The following NAV2 variants were observed in gnomAD, a reference collection of about 807,000 sequenced individuals.
NAV2 encodes neuron navigator 2.
NAV2 carries 54 observed loss-of-function variants against 223.2 expected under a neutral mutation model. That is an observed-to-expected ratio of 0.24 (90% confidence interval 0.19 to 0.30). NAV2 has a LOEUF of 0.30. NAV2 is among the 10% of genes least tolerant of loss of function. The pLI is 1.00. For missense variants in NAV2, 2,806 were observed against 3,147.5 expected, an observed-to-expected ratio of 0.89 and a Z score of 2.60; for synonymous variants, 1,279 against 1,239.3, an observed-to-expected ratio of 1.03 and a Z score of -0.67.
intron 1 of NAV2, among the ~76,000 whole-genome samples, chr11:19,671,665 G>T (rs532345227): frequency 1.8e-4 from 27 of 152,330 alleles, no homozygotes; most frequent in African/African-American, 6.5e-4. Flanking sequence ...TCCATAAAGG[G>T]CAAGATCATA....
At chr11:19,501,112 C>G (rs998143892) in intron 1 of NAV2, among the ~76,000 whole-genome samples, 5 of 152,136 alleles carry the variant, frequency 3.3e-5, no homozygotes, top group African/African-American at 1.2e-4. Context: ...AACCTTGCCT[C>G]TCTCTGAACA....
intron 1 of NAV2, among the ~76,000 whole-genome samples, chr11:19,732,075 C>A (rs2051828633): frequency 6.6e-6 from 1 of 152,040 alleles, no homozygotes; most frequent in East Asian, 1.9e-4. Context: ...ATGGCAAAAC[C>A]CCATCTCTAC....
In NAV2 at chr11:20,036,078, G is replaced by A. The variant is rs752704652; in HGVS notation, c.2888G>A (p.Arg963Gln). ...TATGCCAACACACCTGCCTCCTCTC[G>A]AAAAAACCTGGATGTGCAGGTGAGG... Reference protein sequence around the residue: ...SSYANTPASSRKNLDVQTDAE... With the variant: ...SSYANTPASSQKNLDVQTDAE... Residue 963 changes from arginine (R) to glutamine (Q), a missense_variant, in exon 12 of 38, where the codon CGA becomes CAA. Coordinates refer to ENST00000349880, the MANE Select transcript of NAV2 (RefSeq NM_145117.5). The A allele has an allele frequency of 4.4e-5, 71 of 1,614,136 alleles. 1 individual carries two copies. In the South Asian group the frequency reaches 6.5e-4, roughly 15 times the overall value.
intron 11 of NAV2, chr11:20,027,468 G>GT (rs1379628422): frequency 1.0e-6 from 1 of 985,324 alleles, no homozygotes; most frequent in Non-Finnish European, 1.2e-6. Context: ...AATTGAGCAG[G>GT]TAAGTCCTGG....
At chr11:19,698,433 C>T (rs561609754) in intron 1 of NAV2, among the ~76,000 whole-genome samples, 1 of 152,268 alleles carries the variant, frequency 6.6e-6, no homozygotes, top group South Asian at 2.1e-4. Flanking sequence ...TTGAATAAAC[C>T]CCTTATTTTG....
At chr11:19,482,288 T>C (rs1378527767) in intron 1 of NAV2, among the ~76,000 whole-genome samples, 4 of 152,194 alleles carry the variant, frequency 2.6e-5, no homozygotes, top group African/African-American at 7.2e-5. Flanking sequence ...AACTGCAAGA[T>C]GAATTTCCTC....
intron 1 of NAV2, chr11:19,777,833 C>T (rs1383419740): frequency 6.6e-6 from 3 of 455,200 alleles, no homozygotes; most frequent in Non-Finnish European, 1.3e-5. Flanking sequence ...GGATTGTCTC[C>T]TACGAGCATG....
intron 1 of NAV2, among the ~76,000 whole-genome samples, chr11:19,563,592 C>T (rs2045171722): frequency 6.6e-6 from 1 of 152,170 alleles, no homozygotes; most frequent in South Asian, 2.1e-4. Context: ...CACCAATGTG[C>T]TTGTTAAAAT....
At chr11:19,991,446 C>A (rs2051322881) in intron 11 of NAV2, among the ~76,000 whole-genome samples, 4 of 152,160 alleles carry the variant, frequency 2.6e-5, no homozygotes, top group Admixed American at 2.6e-4. Context: ...TACTCTAATT[C>A]TTAGGTCCTG....
At chr11:20,091,169 T>G (rs988213103) in intron 27 of NAV2, 151 bp downstream of exon 27, 3 of 708,416 alleles carry the variant, frequency 4.2e-6, no homozygotes, top group South Asian at 2.1e-5. Context: ...TCCCACACAT[T>G]GCTCAAAGAC....
chr11:19,713,472 G>T lies in NAV2; in HGVS notation c.-224G>T. On this transcript the variant is annotated 5_prime_UTR_variant, in exon 1 of 38. Coordinates refer to ENST00000349880, the MANE Select transcript of NAV2 (RefSeq NM_145117.5). The surrounding 1 kb of genome is among the most constrained non-coding windows in gnomAD (Gnocchi z 7.2). ...GGCAGCATCCGTCCAGGTGGGACCCGCTGAGCGCCGTGGCCAGTCCCCCAT... is the reference window on the plus strand; with the variant it reads ...GGCAGCATCCGTCCAGGTGGGACCCTCTGAGCGCCGTGGCCAGTCCCCCAT... 3.7e-6 allele frequency: 5 copies of T among 1,341,102 alleles called. No individual in the cohort carries two copies. The South Asian group carries it at 6.7e-5, about 18-fold the overall frequency. 83.1% of individuals were successfully genotyped at this position (1,341,102 alleles called of 1,614,324 possible).
At chr11:20,107,458 G>GGTCT (rs1468209113) in intron 35 of NAV2, 2 of 581,256 alleles carry the variant, frequency 3.4e-6, no homozygotes, top group African/African-American at 3.7e-5. Context: ...CTGGAGGAGG[G>GGTCT]AGACCCCCAG....
In NAV2 at chr11:19,676,733, C is replaced by A. The variant is rs76439892; in HGVS notation, c.76-155751C>A. 7.5e-3 allele frequency among the ~76,000 whole-genome samples: 1,146 copies of A among 152,304 alleles called. 29 individuals carry two copies. In the East Asian group the frequency reaches 0.082, roughly 11 times the overall value. On this transcript the variant is annotated intron_variant, in intron 1 of 37. Coordinates refer to the NAV2 transcript ENST00000360655. ...GTTGGCACTTTGGCTCTCAGAGAACCAGGCTGTCCCAGGCCTGGGTTAGGC... is the reference window on the plus strand; with the variant it reads ...GTTGGCACTTTGGCTCTCAGAGAACAAGGCTGTCCCAGGCCTGGGTTAGGC...
In NAV2 at chr11:19,500,635, C is replaced by T. The variant is rs141181959; in HGVS notation, c.75+149608C>T. On this transcript the variant is annotated intron_variant, in intron 1 of 37. Transcript: ENST00000360655. Reference sequence around the variant, plus strand: ...GAACTAGAAAATTCCAGCCATCCCTCGTGGGCTATCCCTTGAACAGAGTAT... The same window carrying T: ...GAACTAGAAAATTCCAGCCATCCCTTGTGGGCTATCCCTTGAACAGAGTAT... Among the ~76,000 whole-genome samples, 277 of 152,244 alleles carry T rather than the reference C, an allele frequency of 1.8e-3. 1 individual carries two copies. Among genetic ancestry groups the T allele is most frequent in the East Asian group, 5.8e-3 (30 of 5,186 alleles).
intron 1 of NAV2, among the ~76,000 whole-genome samples, chr11:19,547,229 G>T (rs746791840): frequency 2.0e-5 from 3 of 152,218 alleles, no homozygotes; most frequent in Non-Finnish European, 2.9e-5. Context: ...AGCCAGGGCT[G>T]CTGTGAAGCA....
intron 1 of NAV2, among the ~76,000 whole-genome samples, chr11:19,747,301 C>T (rs2053454223): frequency 6.6e-6 from 1 of 152,018 alleles, no homozygotes; most frequent in African/African-American, 2.4e-5. Context: ...CATTGTTGGA[C>T]ATTTATGTTG....
Position 19,574,886 on chromosome 11 carries a change from G to A in NAV2, c.75+223859G>A, listed in dbSNP as rs145759283. 3.3e-5 allele frequency among the ~76,000 whole-genome samples: 5 copies of A among 152,310 alleles called. No individual in the cohort carries two copies. In the East Asian group the frequency reaches 9.6e-4, roughly 29 times the overall value. ...ACAAAGGAAACAACATTTGAAGCAG[G>A]ACTTGAAAGATCAGAACAGGCCAAC... On this transcript the variant is annotated intron_variant, in intron 1 of 37. Coordinates refer to the NAV2 transcript ENST00000360655.
intron 1 of NAV2, among the ~76,000 whole-genome samples, chr11:19,368,036 A>G (rs1848347859): frequency 6.6e-6 from 1 of 152,202 alleles, no homozygotes; most frequent in Non-Finnish European, 1.5e-5. Context: ...GATTTTCCCA[A>G]AGGCCAGATT....
At chr11:19,924,300 A>C (rs1048348740) in intron 6 of NAV2, among the ~76,000 whole-genome samples, 11 of 152,148 alleles carry the variant, frequency 7.2e-5, no homozygotes, top group East Asian at 1.9e-4. Context: ...TTCTTTAAAA[A>C]AAAAAAAAAA....
Sources: allele counts gnomAD v4.1 joint callset (sites outside exome capture counted in the v4.1 genomes callset), GRCh38; gene constraint gnomAD v4.1.1; non-coding constraint Gnocchi (gnomAD v3.1); transcripts MANE v1.5; gene names NCBI Gene and HGNC (gene_info 2026-07-23, HGNC 2026-07-21).